Variants in ARL15 observed in about 807,000 individuals in gnomAD.
ARL15 encodes ARF like GTPase 15, also known as ADP-ribosylation factor-like protein 15.
Under a neutral mutation model 25.2 loss-of-function variants are expected in ARL15, and 19 were observed. The observed-to-expected ratio is 0.75, with a 90% confidence interval of 0.53 to 1.10. The LOEUF (loss-of-function observed/expected upper bound fraction) is 1.10. Among genes scored for constraint, ARL15 ranks in the 50% least tolerant of loss-of-function variants. The pLI is 0.00. For synonymous variants in ARL15, 94 were observed against 86.8 expected (o/e 1.08, Z -0.46); for missense variants, 220 against 246.0 (o/e 0.89, Z 0.71).
intron 1 of ARL15, 110 bp from the exon 2 acceptor site, chr5:54,172,038 T>C (rs1754734207): frequency 1.5e-6 from 2 of 1,303,472 alleles, no homozygotes; most frequent in Middle Eastern, 2.0e-4. Context: ...AATAAAGTAT[T>C]ACCTATAAGG....
rs539173054 is a variant in ARL15, at chr5:54,240,120, G to A, written c.49-68192C>T. Among the ~76,000 whole-genome samples the A allele has an allele frequency of 1.3e-4, 20 of 151,712 alleles. No homozygotes were observed. The East Asian group carries it at 2.9e-3, about 22-fold the overall frequency. On this transcript the variant is annotated intron_variant, in intron 1 of 4. Coordinates refer to ENST00000504924, the MANE Select transcript of ARL15 (RefSeq NM_019087.3). Reference sequence around the variant, plus strand: ...CGGGCACCTGTAGTCCCAGCTACTCGGGAGGCTGAGGCAGGAGAATGGCAT... The same window carrying A: ...CGGGCACCTGTAGTCCCAGCTACTCAGGAGGCTGAGGCAGGAGAATGGCAT...
chr5:53,903,946 A>G (rs1419022421), intron 4 of ARL15, among the ~76,000 whole-genome samples: 1 of 152,230 alleles, frequency 6.6e-6, no homozygotes, highest in South Asian at 2.1e-4. Flanking sequence ...ACAGATATCA[A>G]GTAACTAAGT....
chr5:53,907,287 T>G (rs1745277452), intron 4 of ARL15, among the ~76,000 whole-genome samples: 1 of 151,540 alleles, frequency 6.6e-6, no homozygotes, highest in Non-Finnish European at 1.5e-5. Context: ...TACCTTGTGG[T>G]GATATCCTAC....
At chr5:54,206,232 C>T (rs186506157) in intron 1 of ARL15, among the ~76,000 whole-genome samples, 1 of 152,280 alleles carries the variant, frequency 6.6e-6, no homozygotes, top group Admixed American at 6.5e-5. Flanking sequence ...CTTCTCGAAG[C>T]TTGAAAAGGG....
At chr5:54,126,733 C>T (rs1052502413) in intron 3 of ARL15, among the ~76,000 whole-genome samples, 2 of 152,252 alleles carry the variant, frequency 1.3e-5, no homozygotes, top group South Asian at 2.1e-4. Flanking sequence ...CAGGATAACA[C>T]GGCAAGAAGG....
chr5:53,932,619 G>A (rs1746227001), intron 4 of ARL15, among the ~76,000 whole-genome samples: 1 of 152,196 alleles, frequency 6.6e-6, no homozygotes, highest in Non-Finnish European at 1.5e-5. Flanking sequence ...TTGATCAAGA[G>A]TACTGGGTGA....
chr5:54,259,606 C>T (rs1214158269), intron 1 of ARL15, among the ~76,000 whole-genome samples: 2 of 152,114 alleles, frequency 1.3e-5, no homozygotes, highest in Non-Finnish European at 2.9e-5. Context: ...AGGTCATCAA[C>T]ATTCAGACAC....
chr5:54,285,907 G>A (rs1758167885), intron 1 of ARL15, among the ~76,000 whole-genome samples: 1 of 152,148 alleles, frequency 6.6e-6, no homozygotes, highest in Admixed American at 6.5e-5. Flanking sequence ...AAAGTGCCGC[G>A]TGGGTCGAAT....
At chr5:54,282,180 GATAAT>G (rs1758076090) in intron 1 of ARL15, 1 of 878,326 alleles carries the variant, frequency 1.1e-6, no homozygotes, top group Non-Finnish European at 1.4e-6. Flanking sequence ...AGCAGTAGAG[GATAAT>G]TGCCATCACT....
chr5:54,298,332 C>T (rs187844196), intron 1 of ARL15, among the ~76,000 whole-genome samples: 31 of 152,274 alleles, frequency 2.0e-4, no homozygotes, highest in Admixed American at 1.6e-3. Flanking sequence ...TAAATGTGTG[C>T]CAAGACGGTC....
At chr5:54,049,597 TTTGTTG>T (rs201609372) in intron 4 of ARL15, among the ~76,000 whole-genome samples, 4 of 149,900 alleles carry the variant, frequency 2.7e-5, no homozygotes, top group Admixed American at 6.7e-5. Context: ...ACACAGAGGT[TTTGTTG>T]TTGTTGTTGT....
At chr5:54,164,747 T>A (rs868207720) in intron 2 of ARL15, among the ~76,000 whole-genome samples, 1 of 152,018 alleles carries the variant, frequency 6.6e-6, no homozygotes, top group South Asian at 2.1e-4. Context: ...ATTTGTGTCT[T>A]TATACTTAAA....
At chr5:54,121,883 C>T (rs889005568) in intron 3 of ARL15, among the ~76,000 whole-genome samples, 2 of 152,124 alleles carry the variant, frequency 1.3e-5, no homozygotes, top group African/African-American at 4.8e-5. Flanking sequence ...TCACACAGTA[C>T]GTAGAATATG....
At chr5:54,178,765 G>A (rs1323538618) in intron 1 of ARL15, among the ~76,000 whole-genome samples, 2 of 152,174 alleles carry the variant, frequency 1.3e-5, no homozygotes, top group Non-Finnish European at 2.9e-5. Flanking sequence ...GCTTAAATAT[G>A]TAAAATGACT....
At chr5:54,303,996 G>A (rs568658802) in intron 1 of ARL15, among the ~76,000 whole-genome samples, 38 of 152,296 alleles carry the variant, frequency 2.5e-4, no homozygotes, top group African/African-American at 8.9e-4. Flanking sequence ...AGCCTTCTCT[G>A]TAACAATCAC....
At chr5:54,034,852 G>A (rs562961302) in intron 4 of ARL15, among the ~76,000 whole-genome samples, 20 of 150,804 alleles carry the variant, frequency 1.3e-4, no homozygotes, top group South Asian at 4.2e-4. Context: ...TTTTAGAGAC[G>A]GGGGGCGGTC....
At chr5:54,109,365 T>C (rs1368927611) in intron 4 of ARL15, among the ~76,000 whole-genome samples, 1 of 152,012 alleles carries the variant, frequency 6.6e-6, no homozygotes, top group Non-Finnish European at 1.5e-5. Context: ...ATTAAGGATA[T>C]AGACAAACAT....
intron 3 of ARL15, among the ~76,000 whole-genome samples, chr5:54,124,503 G>T (rs1338512665): frequency 6.6e-6 from 1 of 151,970 alleles, no homozygotes; most frequent in Non-Finnish European, 1.5e-5. Flanking sequence ...CCACTCTTTG[G>T]TTTGTATTCT....
chr5:54,038,995 A>G (rs1561198575), intron 4 of ARL15, among the ~76,000 whole-genome samples: 1 of 152,224 alleles, frequency 6.6e-6, no homozygotes, highest in Non-Finnish European at 1.5e-5. Flanking sequence ...AAGATGCAAT[A>G]AAGTTCTTAG....
Sources: allele counts gnomAD v4.1 joint callset (sites outside exome capture counted in the v4.1 genomes callset), GRCh38; gene constraint gnomAD v4.1.1; transcripts MANE v1.5; gene names NCBI Gene and HGNC (gene_info 2026-07-23, HGNC 2026-07-21).